The following FBXO47 variants were observed in gnomAD, a reference collection of about 807,000 sequenced individuals.
FBXO47 encodes the protein F-box only protein 47.
FBXO47 carries 34 observed loss-of-function variants against 53.9 expected under a neutral mutation model. The ratio of observed to expected loss-of-function variants is 0.63; its 90% CI spans 0.48 to 0.84. FBXO47 has a LOEUF of 0.84. FBXO47 is among the 40% of genes least tolerant of loss of function. FBXO47 has a pLI of 0.00. For missense variants in FBXO47, 485 were observed against 541.3 expected, an observed-to-expected ratio of 0.90 and a Z score of 1.03; for synonymous variants, 165 against 181.6, an observed-to-expected ratio of 0.91 and a Z score of 0.73.
intron 6 of FBXO47, 92 bp from the exon 7 acceptor site, chr17:38,945,228 T>A: frequency 2.3e-6 from 2 of 871,050 alleles, no homozygotes. Context: ...ATCATTATGG[T>A]TAGTGATAGT....
rs372616234 is a variant in FBXO47 at position 38,943,748 on chromosome 17, C to T, written c.794-12G>A. On this transcript the variant is annotated splice_polypyrimidine_tract_variant and intron_variant, in intron 7 of 10. Transcript: ENST00000378079. The stretch of plus-strand genomic sequence containing the variant: ...CCAAACCACCTGTCCTGAATTGAAA[C>T]AAAAACGAGGCTATGACAGAATAGT... 2 of 1,592,890 alleles carry T rather than the reference C, an allele frequency of 1.3e-6. No homozygotes were observed. Among genetic ancestry groups the T allele is most frequent in the Non-Finnish European group, 1.7e-6 (2 of 1,174,048 alleles).
intron 3 of FBXO47, among the ~76,000 whole-genome samples, chr17:38,961,174 C>T (rs763972970): frequency 6.6e-6 from 1 of 152,162 alleles, no homozygotes; most frequent in Non-Finnish European, 1.5e-5. Context: ...GCAGTATTCA[C>T]TTAACTTACT....
intron 6 of FBXO47, among the ~76,000 whole-genome samples, chr17:38,945,523 G>A (rs1344654235): frequency 6.6e-6 from 1 of 152,092 alleles, no homozygotes; most frequent in African/African-American, 2.4e-5. Flanking sequence ...TTTATGGCAG[G>A]TGTGGTGACT....
Position 38,961,842 on chromosome 17 carries a change from T to C in FBXO47, c.352+35A>G, listed in dbSNP as rs758344228. 3 of 1,578,930 alleles carry C rather than the reference T, an allele frequency of 1.9e-6. No homozygotes were observed. In the African/African-American group the frequency reaches 4.1e-5, roughly 22 times the overall value. ...TAAGTTTCTCTTAATTAAGCACAGT[T>C]CTTTACTTGTTGCAATTCTCATTAC... On this transcript the variant is annotated intron_variant, in intron 3 of 10. Coordinates refer to ENST00000378079, the MANE Select transcript of FBXO47 (RefSeq NM_001008777.3).
chr17:38,938,266 A>AT (rs1416347383), intron 10 of FBXO47, among the ~76,000 whole-genome samples: 9 of 152,282 alleles, frequency 5.9e-5, no homozygotes, highest in African/African-American at 2.2e-4. Flanking sequence ...AGCAAGTTAA[A>AT]TTTTTTTGCT....
chr17:38,944,775 G>A (rs1904669754), intron 7 of FBXO47, among the ~76,000 whole-genome samples, 185 bp downstream of exon 7: 1 of 151,844 alleles, frequency 6.6e-6, no homozygotes, highest in African/African-American at 2.4e-5. Context: ...GGAGGCTGAG[G>A]CAGGAGAATC....
In FBXO47 at chr17:38,943,634, T is replaced by C. The variant is rs758831934; in HGVS notation, c.896A>G (p.Glu299Gly). ...ACTGATAACATCATCTGCTGTCCAC[T>C]CTTTAGTGCTAGCGTCATATAGTAA... is the stretch of plus-strand genomic sequence containing the variant. ...IKLLYDASTKEWTADDVISLV... is the reference protein window; with the variant it reads ...IKLLYDASTKGWTADDVISLV... The change falls in exon 8 of 11, where the codon GAG (glutamate) becomes GGG (glycine). Residue 299 changes from glutamate to glycine, a missense_variant. Physicochemically the swap from Glu to Gly is moderately conservative, Grantham distance 98 (BLOSUM62 -2). Coordinates refer to ENST00000378079, the MANE Select transcript of FBXO47 (RefSeq NM_001008777.3). 1.2e-6 allele frequency: 2 copies of C among 1,607,566 alleles called. No individual in the cohort carries two copies. The highest frequency in any genetic ancestry group is 1.7e-6 in the Non-Finnish European group (2 of 1,177,364).
At chr17:38,954,604 G>T (rs1320526039) in intron 5 of FBXO47, among the ~76,000 whole-genome samples, 1 of 151,940 alleles carries the variant, frequency 6.6e-6, no homozygotes. Flanking sequence ...TTCAGGAGGA[G>T]TAACCTTCAT....
At chr17:38,958,184 G>T (rs1377517098) in intron 3 of FBXO47, among the ~76,000 whole-genome samples, 1 of 151,990 alleles carries the variant, frequency 6.6e-6, no homozygotes, top group African/African-American at 2.4e-5. Flanking sequence ...GTCTTGCTTT[G>T]TTGCCCAGGC....
At chr17:38,945,652 A>G (rs1182679737) in intron 6 of FBXO47, among the ~76,000 whole-genome samples, 1 of 151,888 alleles carries the variant, frequency 6.6e-6, no homozygotes, top group Non-Finnish European at 1.5e-5. Context: ...TACAAAAAAA[A>G]TTGGCCGGGT....
intron 10 of FBXO47, 91 bp downstream of exon 10, chr17:38,938,481 TC>T: frequency 2.2e-6 from 2 of 910,466 alleles, no homozygotes; most frequent in Non-Finnish European, 3.1e-6. Context: ...TTTTTTCCAT[TC>T]TTGGACTGTT....
chr17:38,948,581 G>C (rs2338373), intron 6 of FBXO47, among the ~76,000 whole-genome samples: 63,062 of 151,592 alleles, frequency 0.42, 13,721 homozygotes, highest in African/African-American at 0.53. Context: ...GCTTATTTCA[G>C]CTAATACAAT....
intron 5 of FBXO47, among the ~76,000 whole-genome samples, chr17:38,952,340 A>G (rs891244190): frequency 6.6e-6 from 1 of 152,092 alleles, no homozygotes; most frequent in African/African-American, 2.4e-5. Flanking sequence ...AACAAAACAA[A>G]AACAACACAA....
Position 38,961,999 on chromosome 17 carries a change from T to C in FBXO47, c.230A>G (p.His77Arg), listed in dbSNP as rs369741439. The change falls in exon 3 of 11, where the codon CAC becomes CGC. Residue 77 changes from histidine (H) to arginine (R), a missense_variant. Coordinates refer to ENST00000378079, the MANE Select transcript of FBXO47 (RefSeq NM_001008777.3). ...TGAGGTTGAGATATAATTAATAATG[T>C]GTTGGCTGACTGTTTTGGACACCAT... ...LSMVSKTVSQ[H>R]IINYISTSSG... 7 of 1,613,868 alleles carry C rather than the reference T, an allele frequency of 4.3e-6. No individual in the cohort carries two copies. Among genetic ancestry groups the C allele is most frequent in the Non-Finnish European group, 5.9e-6 (7 of 1,179,990 alleles).
In FBXO47 at chr17:38,951,660, C is replaced by A. The variant is rs568522529; in HGVS notation, c.537G>T (p.Glu179Asp). ...ATAAGAAATTATAAACGCGATGGCA[C>A]TCAAGTTCATCCCAACCTGCTGTTA... ...QTLTAGWDELECHRVYNFLCE... is the reference protein window; with the variant it reads ...QTLTAGWDELDCHRVYNFLCE... The change falls in exon 6 of 11, where the codon GAG becomes GAT. Residue 179 changes from glutamate (E) to aspartate (D), a missense_variant. Glu to Asp is a conservative substitution (Grantham distance 45, BLOSUM62 2). Coordinates refer to ENST00000378079, the MANE Select transcript of FBXO47 (RefSeq NM_001008777.3). 1 of 1,613,856 alleles carries A rather than the reference C, an allele frequency of 6.2e-7. No individual in the cohort carries two copies. Among genetic ancestry groups the A allele is most frequent in the African/African-American group, 1.3e-5 (1 of 75,026 alleles).
intron 6 of FBXO47, among the ~76,000 whole-genome samples, chr17:38,946,026 AAAAT>A (rs1384279004): frequency 7.4e-6 from 1 of 134,702 alleles, no homozygotes; most frequent in Admixed American, 8.4e-5. Context: ...TAAAAATATA[AAAAT>A]ATATATAAAT....
At chr17:38,937,889 C>T (rs555136927) in intron 10 of FBXO47, among the ~76,000 whole-genome samples, 11 of 152,068 alleles carry the variant, frequency 7.2e-5, no homozygotes, top group Non-Finnish European at 1.3e-4. Flanking sequence ...AGGATGGTCT[C>T]GACCTCCTGA....
At chr17:38,962,081 T>C (rs1905840298) in intron 2 of FBXO47, 34 bp from the exon 3 acceptor site, 2 of 1,550,246 alleles carry the variant, frequency 1.3e-6, no homozygotes, top group Non-Finnish European at 8.8e-7. Context: ...TATGTATCAA[T>C]GGCTTAAATG....
At position 38,962,841 on chromosome 17, in the gene FBXO47, T is replaced by C. The variant is rs1424273319; in HGVS notation, c.181+4A>G. ...TAGGCTATTCATAAGTTCCCAAACC[T>C]CACCTGACAAATATTTTAAAATTAT... is the stretch of plus-strand genomic sequence containing the variant. On this transcript the variant is annotated splice_donor_region_variant and intron_variant, in intron 2 of 10. Transcript: ENST00000378079. The C allele has an allele frequency of 6.2e-7, 1 of 1,605,728 alleles. No homozygotes were observed. Among genetic ancestry groups the C allele is most frequent in the Admixed American group, 1.7e-5 (1 of 58,994 alleles).
Sources: allele counts gnomAD v4.1 joint callset (sites outside exome capture counted in the v4.1 genomes callset), GRCh38; gene constraint gnomAD v4.1.1; transcripts MANE v1.5; gene names NCBI Gene and HGNC (gene_info 2026-07-23, HGNC 2026-07-21).